TUBGCP5: variants seen among roughly 807,000 people sequenced by gnomAD.
TUBGCP5 encodes tubulin gamma complex component 5, also known as gamma-tubulin complex component 5.
A neutral mutation model predicts 134.7 loss-of-function variants in TUBGCP5; 98 were observed. The observed-to-expected ratio is 0.73, with a 90% CI of 0.62 to 0.86. The LOEUF (loss-of-function observed/expected upper bound fraction) is 0.86. TUBGCP5 is among the 40% of genes least tolerant of loss of function. The probability of loss-of-function intolerance (pLI) is 0.00; values close to 1 mark genes in which losing one functional copy is unlikely to be tolerated. For missense variants in TUBGCP5, 1,150 were observed against 1,244.8 expected (o/e 0.92, Z 1.15); for synonymous variants, 456 against 431.4 (o/e 1.06, Z -0.71).
intron 1 of TUBGCP5, among the ~76,000 whole-genome samples, chr15:23,037,721 A>G (rs2066676409): frequency 6.6e-6 from 1 of 152,244 alleles, no homozygotes; most frequent in Admixed American, 6.5e-5. Context: ...ATGTGAAAAC[A>G]GTATGCGATT....
chr15:23,024,844 A>T lies in TUBGCP5; in HGVS notation c.828-14T>A, dbSNP rs201012937. On this transcript the variant is annotated splice_polypyrimidine_tract_variant and intron_variant, in intron 8 of 22. Coordinates refer to ENST00000615383, the MANE Select transcript of TUBGCP5 (RefSeq NM_052903.6). ...CCTGAAAGTAACCTGAAATGAGATT[A>T]AAAAAAGACGAGTGTACTTTAAGTC... is the stretch of plus-strand genomic sequence containing the variant. 1.4e-6 allele frequency: 2 copies of T among 1,435,592 alleles called. No individual in the cohort carries two copies. Among genetic ancestry groups the T allele is most frequent in the African/African-American group, 1.4e-5 (1 of 70,422 alleles). 88.9% of individuals were successfully genotyped at this position (1,435,592 alleles called of 1,614,324 possible).
intron 6 of TUBGCP5, among the ~76,000 whole-genome samples, chr15:23,030,506 T>G (rs1291410001): frequency 6.6e-6 from 1 of 151,938 alleles, no homozygotes; most frequent in Non-Finnish European, 1.5e-5. Flanking sequence ...CCCTTATACT[T>G]TTTTATTTTA....
At chr15:23,039,367 C>G (rs1278337481) in intron 1 of TUBGCP5, 31 bp downstream of exon 1, 1 of 1,386,486 alleles carries the variant, frequency 7.2e-7, no homozygotes, top group Non-Finnish European at 9.5e-7. Context: ...GGGCTGTGGC[C>G]GGGAACCCGC....
At chr15:23,037,689 T>C (rs1023150608) in intron 1 of TUBGCP5, among the ~76,000 whole-genome samples, 2 of 152,172 alleles carry the variant, frequency 1.3e-5, no homozygotes, top group Admixed American at 1.3e-4. Context: ...GTAAACAACA[T>C]TTACAAATAT....
intron 11 of TUBGCP5, among the ~76,000 whole-genome samples, chr15:23,020,133 G>A (rs756027556): frequency 4.0e-5 from 6 of 151,752 alleles, no homozygotes; most frequent in Non-Finnish European, 8.8e-5. Flanking sequence ...ATACAGCTGG[G>A]TGTGGTGGCT....
At chr15:23,024,260 C>G in intron 9 of TUBGCP5, 67 bp from the exon 10 acceptor site, 1 of 1,561,038 alleles carries the variant, frequency 6.4e-7, no homozygotes, top group Non-Finnish European at 8.7e-7. Context: ...TCATTTCCCT[C>G]TCGCTGTAAA....
chr15:23,004,355 G>C, intron 19 of TUBGCP5, 128 bp from the exon 20 acceptor site: 1 of 1,080,592 alleles, frequency 9.3e-7, no homozygotes, highest in Non-Finnish European at 1.3e-6. Context: ...CATCTAGACA[G>C]TTTCATAAAG....
At chr15:23,030,761 T>G (rs2066261670) in intron 6 of TUBGCP5, 124 bp downstream of exon 6, 1 of 1,024,194 alleles carries the variant, frequency 9.8e-7, no homozygotes, top group Non-Finnish European at 1.4e-6. Context: ...TTTTAAAAAT[T>G]GGTTTTATAA....
chr15:22,985,227 G>GT (rs201034743), intron 23 of TUBGCP5, among the ~76,000 whole-genome samples: 39 of 151,244 alleles, frequency 2.6e-4, no homozygotes, highest in African/African-American at 7.3e-4. Context: ...TTTCTTTTTT[G>GT]TTTTTTTTGA....
Position 23,009,989 on chromosome 15 carries a change from T to G in TUBGCP5, c.2100A>C (p.Leu700=). Residue 700 remains leucine (L), a synonymous_variant, in exon 15 of 23, where the codon CTA becomes CTC. Transcript: ENST00000615383. ...CLYPHIDKQY[L]DCCGNLMQTL... Reference sequence around the variant, plus strand: ...TTTGCATGAGATTTCCACAGCAATCTAGATACTGCTTGTCAATATGAGGAT... The same window carrying G: ...TTTGCATGAGATTTCCACAGCAATCGAGATACTGCTTGTCAATATGAGGAT... 6.2e-7 allele frequency: 1 copy of G among 1,614,062 alleles called. No homozygotes were observed. Among genetic ancestry groups the G allele is most frequent in the South Asian group, 1.1e-5 (1 of 91,076 alleles).
Position 22,999,569 on chromosome 15 carries a change from T to C in TUBGCP5, c.*251A>G. ...GTACACACCACCATGTCTGGATACATTTTGTATTTTTGGTAGACACCGGGT... is the reference window on the plus strand; with the variant it reads ...GTACACACCACCATGTCTGGATACACTTTGTATTTTTGGTAGACACCGGGT... On this transcript the variant is annotated 3_prime_UTR_variant, in exon 23 of 23. Transcript: ENST00000615383. 2 of 491,576 alleles carry C rather than the reference T, an allele frequency of 4.1e-6. No homozygotes were observed. The highest frequency in any genetic ancestry group is 6.5e-5 in the Admixed American group (2 of 30,712). 30.5% of individuals were successfully genotyped at this position (491,576 alleles called of 1,614,324 possible). A position where few individuals can be genotyped will look rare whatever the true frequency, so the allele number is the denominator to read the frequency against.
chr15:23,029,609 A>G (rs1297104486), intron 6 of TUBGCP5, among the ~76,000 whole-genome samples: 1 of 152,088 alleles, frequency 6.6e-6, no homozygotes, highest in Non-Finnish European at 1.5e-5. Context: ...TTTGAAAAAG[A>G]GCAGTGATTC....
chr15:22,993,932 C>T lies in TUBGCP5; in HGVS notation c.*61+2913G>A, dbSNP rs529913170. Among the ~76,000 whole-genome samples, 99 of 151,912 alleles carry T rather than the reference C, an allele frequency of 6.5e-4. 1 individual carries two copies. The highest frequency in any genetic ancestry group is 2.7e-3 in the East Asian group (14 of 5,146). ...CTGGGCTCAAGCGATTCGCCTGCCTCGGCCTCCCAAAATGCTGGGATTACA... is the reference window on the plus strand; with the variant it reads ...CTGGGCTCAAGCGATTCGCCTGCCTTGGCCTCCCAAAATGCTGGGATTACA... On this transcript the variant is annotated intron_variant and NMD_transcript_variant, in intron 23 of 23. Coordinates refer to the TUBGCP5 transcript ENST00000614508.
chr15:23,003,632 G>GTTT lies in TUBGCP5; in HGVS notation c.2838+467_2838+469dup, dbSNP rs531926227. Among the ~76,000 whole-genome samples, 360 of 88,624 alleles carry GTTT rather than the reference G, an allele frequency of 4.1e-3. 23 individuals carry two copies. Among genetic ancestry groups the GTTT allele is most frequent in the African/African-American group, 0.013 (332 of 25,148 alleles). 58.1% of individuals were successfully genotyped at this position (88,624 alleles called of 152,430 possible). A position where few individuals can be genotyped will look rare whatever the true frequency, so the allele number is the denominator to read the frequency against. On this transcript the variant is annotated intron_variant, in intron 20 of 22. Transcript: ENST00000615383. Reference sequence around the variant, plus strand: ...CTACGAATAGGGCACTCCTCCTTCTGTTTTTTTTTTTTTTTTTTTTTTTTT... The same window carrying GTTT: ...CTACGAATAGGGCACTCCTCCTTCTGTTTTTTTTTTTTTTTTTTTTTTTTTTTT...
downstream of TUBGCP5, among the ~76,000 whole-genome samples, chr15:22,996,667 T>C (rs964100623): frequency 3.3e-5 from 5 of 152,086 alleles, no homozygotes; most frequent in African/African-American, 1.2e-4. Context: ...TTTGTATTTT[T>C]AGTAGAGATG....
chr15:23,011,224 T>G lies in TUBGCP5; in HGVS notation c.1864A>C (p.Lys622Gln), dbSNP rs759292383. The G allele has an allele frequency of 1.1e-5, 17 of 1,613,960 alleles. No homozygotes were observed. The highest frequency in any genetic ancestry group is 3.3e-5 in the Admixed American group (2 of 60,006). The change falls in exon 14 of 23, where the codon AAG becomes CAG. Residue 622 changes from lysine to glutamine, a missense_variant. Physicochemically the swap from Lys to Gln is moderately conservative, Grantham distance 53. Around this residue, in one of 2 missense-constraint regions of TUBGCP5, gnomAD observed 697 missense variants for 850.1 expected, o/e 0.82. Coordinates refer to ENST00000615383, the MANE Select transcript of TUBGCP5 (RefSeq NM_052903.6). ...PQVLTEQQAT[K>Q]ENLMKMQSIA... ...GACTGCATCTTCATCAGGTTCTCCT[T>G]GGTTGCCTGTTGCTCAGTAAGAACC...
chr15:23,036,793 A>AT, intron 3 of TUBGCP5, 104 bp downstream of exon 3: 1 of 819,054 alleles, frequency 1.2e-6, no homozygotes, highest in Non-Finnish European at 2.0e-6. Flanking sequence ...TAGCCAGTAG[A>AT]TAATACTAAA....
At chr15:22,985,899 C>T (rs1397962389) in intron 23 of TUBGCP5, among the ~76,000 whole-genome samples, 1 of 151,096 alleles carries the variant, frequency 6.6e-6, no homozygotes, top group Non-Finnish European at 1.5e-5. Flanking sequence ...TTTGGAAGGC[C>T]GAGATGGGCG....
chr15:23,021,370 C>T (rs1229239632), intron 11 of TUBGCP5, among the ~76,000 whole-genome samples: 1 of 152,058 alleles, frequency 6.6e-6, no homozygotes, highest in East Asian at 1.9e-4. Flanking sequence ...TTTTTAAAGA[C>T]AGAGTCTTAC....
Sources: gnomAD v4.1 joint callset for allele counts (sites outside exome capture counted in the v4.1 genomes callset) on GRCh38, gnomAD v4.1.1 for gene constraint, gnomAD v4.1.1 regional missense constraint, MANE v1.5 for transcripts, NCBI Gene and HGNC (gene_info 2026-07-23, HGNC 2026-07-21) for gene names.